The following PEPD variants were observed in gnomAD, a reference collection of about 807,000 sequenced individuals.
PEPD encodes the protein peptidase D.
PEPD carries 53 observed loss-of-function variants against 60.7 expected under a neutral mutation model. The observed-to-expected ratio is 0.87, with a 90% CI of 0.70 to 1.10. The LOEUF (loss-of-function observed/expected upper bound fraction) is 1.10, where lower values mean the gene tolerates loss of function less well. Ranked by LOEUF, PEPD falls within the 50% of genes least tolerant of loss-of-function variation. The pLI, the probability that PEPD is intolerant of heterozygous loss-of-function variation, is 0.00. For synonymous variants in PEPD, 267 were observed against 284.1 expected, an observed-to-expected ratio of 0.94 and a Z score of 0.60; for missense variants, 711 against 711.9, an observed-to-expected ratio of 1.00 and a Z score of 0.01.
chr19:33,504,176 T>C (rs1320590133), intron 3 of PEPD, among the ~76,000 whole-genome samples: 1 of 152,238 alleles, frequency 6.6e-6, no homozygotes, highest in African/African-American at 2.4e-5. Flanking sequence ...TAAAAACCAT[T>C]TAAACGTCAT....
intron 3 of PEPD, 140 bp downstream of exon 3, chr19:33,510,888 C>A: frequency 2.3e-6 from 2 of 862,322 alleles, no homozygotes; most frequent in East Asian, 2.7e-5. Context: ...GCTGTGACAG[C>A]CCTGACCGCA....
intron 3 of PEPD, among the ~76,000 whole-genome samples, chr19:33,501,429 C>A (rs1210599238): frequency 6.6e-6 from 1 of 152,174 alleles, no homozygotes; most frequent in Non-Finnish European, 1.5e-5. Flanking sequence ...CCGCAGAATC[C>A]CAGCACTTTG....
rs773439566 is a variant in PEPD, at chr19:33,490,024, T to C, written c.475A>G (p.Arg159Gly). ...GVNTDSGSVCREASFDGISKF... is the reference protein window; with the variant it reads ...GVNTDSGSVCGEASFDGISKF... Reference sequence around the variant, plus strand: ...CTGATGCCGTCAAAGGAGGCCTCCCTGCAGACACTGCCGCTGTCCGTGTTG... The same window carrying C: ...CTGATGCCGTCAAAGGAGGCCTCCCCGCAGACACTGCCGCTGTCCGTGTTG... Residue 159 changes from arginine to glycine, a missense_variant, in exon 6 of 15, where the codon AGG becomes GGG. Arg to Gly is a moderately radical substitution (Grantham distance 125, BLOSUM62 -2). Transcript: ENST00000244137. 5 of 1,612,050 alleles carry C rather than the reference T, an allele frequency of 3.1e-6. No homozygotes were observed. Among genetic ancestry groups the C allele is most frequent in the Admixed American group, 1.7e-5 (1 of 59,884 alleles).
intron 11 of PEPD, among the ~76,000 whole-genome samples, chr19:33,409,843 T>C (rs1968722417): frequency 6.6e-6 from 1 of 152,186 alleles, no homozygotes; most frequent in Non-Finnish European, 1.5e-5. Context: ...GTGCCCTCCT[T>C]GTGTCTGAGT....
At chr19:33,445,329 C>T (rs1346697384) in intron 9 of PEPD, among the ~76,000 whole-genome samples, 1 of 152,206 alleles carries the variant, frequency 6.6e-6, no homozygotes, top group Non-Finnish European at 1.5e-5. Context: ...TTAATCAGCT[C>T]AACAGTGTTC....
At chr19:33,477,626 G>A (rs1002863285) in intron 7 of PEPD, among the ~76,000 whole-genome samples, 6 of 152,226 alleles carry the variant, frequency 3.9e-5, no homozygotes, top group African/African-American at 1.4e-4. Flanking sequence ...ATCACCATGG[G>A]AAGGAAGAAG....
At chr19:33,429,020 C>T (rs1036372771) in intron 9 of PEPD, among the ~76,000 whole-genome samples, 2 of 152,210 alleles carry the variant, frequency 1.3e-5, no homozygotes, top group Non-Finnish European at 2.9e-5. Flanking sequence ...ATCTTAGCCT[C>T]CCTGCAGCTA....
intron 12 of PEPD, among the ~76,000 whole-genome samples, chr19:33,399,354 G>A (rs557673437): frequency 3.3e-5 from 5 of 152,174 alleles, no homozygotes; most frequent in Non-Finnish European, 7.3e-5. Flanking sequence ...AGGTGAGTCC[G>A]ATCAGCGCTG....
intron 9 of PEPD, among the ~76,000 whole-genome samples, chr19:33,434,366 G>GT (rs1249057310): frequency 6.6e-6 from 1 of 152,180 alleles, no homozygotes; most frequent in Non-Finnish European, 1.5e-5. Flanking sequence ...TTGGTTTTGT[G>GT]TGGACGCTGC....
At chr19:33,503,481 C>G (rs976421241) in intron 3 of PEPD, among the ~76,000 whole-genome samples, 1 of 152,156 alleles carries the variant, frequency 6.6e-6, no homozygotes, top group African/African-American at 2.4e-5. Context: ...TTATGGGGCA[C>G]GAATTGATGA....
intron 11 of PEPD, among the ~76,000 whole-genome samples, chr19:33,409,723 C>T (rs1352633597): frequency 6.6e-6 from 1 of 152,160 alleles, no homozygotes; most frequent in Non-Finnish European, 1.5e-5. Context: ...GGTGGGTCCA[C>T]GGTGTGGGGG....
chr19:33,498,033 G>A (rs991858822), intron 4 of PEPD, among the ~76,000 whole-genome samples: 3 of 152,062 alleles, frequency 2.0e-5, no homozygotes, highest in East Asian at 1.9e-4. Flanking sequence ...TGGGGGCTAC[G>A]GCCCAGCACA....
chr19:33,493,298 G>C lies in PEPD; in HGVS notation c.433C>G (p.Leu145Val). The change falls in exon 5 of 15, where the codon CTC becomes GTC. Residue 145 changes from leucine to valine, a missense_variant. Leu to Val is a conservative substitution (Grantham distance 32). Transcript: ENST00000244137. ...GGACACCAGCCACTTACCAAAGTGA[G>C]GAGGACAGAGGGCTTCTGTGACGTC... ...VLTSQKPSVL[L>V]TLRGVNTDSG... The C allele has an allele frequency of 6.2e-7, 1 of 1,613,134 alleles. No individual in the cohort carries two copies.
intron 6 of PEPD, among the ~76,000 whole-genome samples, chr19:33,486,602 C>G (rs1009178834): frequency 6.6e-6 from 1 of 152,138 alleles, no homozygotes; most frequent in Non-Finnish European, 1.5e-5. Flanking sequence ...CTCTGCTGTC[C>G]CCACACCTCG....
intron 6 of PEPD, among the ~76,000 whole-genome samples, chr19:33,486,550 C>A (rs1355418384): frequency 6.6e-6 from 1 of 152,106 alleles, no homozygotes; most frequent in Non-Finnish European, 1.5e-5. Flanking sequence ...GCATGCCCAC[C>A]ACCCTCAGCC....
intron 9 of PEPD, among the ~76,000 whole-genome samples, chr19:33,456,740 G>A (rs1414848563): frequency 2.6e-5 from 4 of 152,106 alleles, no homozygotes; most frequent in African/African-American, 4.8e-5. Flanking sequence ...CTCAGAGGCC[G>A]CCTGGACCCA....
chr19:33,413,654 A>T lies in PEPD; in HGVS notation c.672-11T>A. On this transcript the variant is annotated splice_polypyrimidine_tract_variant and intron_variant, in intron 9 of 14. Coordinates refer to ENST00000244137, the MANE Select transcript of PEPD (RefSeq NM_000285.4). ...TAGTGCTCGAAGAGGCTGCAGGGGGAGAGACGCGTCAGGGTTGGGGCACTA... is the reference window on the plus strand; with the variant it reads ...TAGTGCTCGAAGAGGCTGCAGGGGGTGAGACGCGTCAGGGTTGGGGCACTA... The T allele has an allele frequency of 6.4e-7, 1 of 1,554,624 alleles. No individual in the cohort carries two copies. The highest frequency in any genetic ancestry group is 8.8e-7 in the Non-Finnish European group (1 of 1,140,884).
intron 2 of PEPD, 64 bp downstream of exon 2, chr19:33,512,521 GCCTCCAAC>G (rs1970946515): frequency 1.4e-6 from 2 of 1,469,116 alleles, no homozygotes; most frequent in Non-Finnish European, 1.9e-6. Context: ...CCAAGCTGGG[GCCTCCAAC>G]TCCTGCTCAG....
intron 3 of PEPD, among the ~76,000 whole-genome samples, chr19:33,502,569 TAG>T (rs1187034771): frequency 6.6e-6 from 1 of 152,154 alleles, no homozygotes; most frequent in Non-Finnish European, 1.5e-5. Context: ...TGATTGCAAG[TAG>T]AGTCTTGGTT....
Sources: gnomAD v4.1 joint callset for allele counts (sites outside exome capture counted in the v4.1 genomes callset) on GRCh38, gnomAD v4.1.1 for gene constraint, MANE v1.5 for transcripts, NCBI Gene and HGNC (gene_info 2026-07-23, HGNC 2026-07-21) for gene names.